The following MYT1L variants were observed in gnomAD, a reference collection of about 807,000 sequenced individuals.
MYT1L encodes the protein myelin transcription factor 1 like.
Under a neutral mutation model 126.7 loss-of-function variants are expected in MYT1L, and 12 were observed. That is an observed-to-expected ratio of 0.09 (90% confidence interval 0.06 to 0.15). The LOEUF (loss-of-function observed/expected upper bound fraction) is 0.15, where lower values mean the gene tolerates loss of function less well. Ranked by LOEUF, MYT1L falls within the 10% of genes least tolerant of loss-of-function variation. MYT1L has a pLI of 1.00. For missense variants in MYT1L, 979 were observed against 1,585.2 expected, an observed-to-expected ratio of 0.62 and a Z score of 6.49; for synonymous variants, 541 against 604.2, an observed-to-expected ratio of 0.90 and a Z score of 1.53.
chr2:1,984,811 G>C (rs566756252), intron 5 of MYT1L, among the ~76,000 whole-genome samples: 4 of 152,224 alleles, frequency 2.6e-5, no homozygotes, highest in Non-Finnish European at 5.9e-5. Context: ...GCCTGGCCAA[G>C]AACTAATATT....
intron 13 of MYT1L, among the ~76,000 whole-genome samples, chr2:1,905,045 C>T (rs1422439715): frequency 1.3e-5 from 2 of 152,004 alleles, no homozygotes; most frequent in Admixed American, 6.6e-5. Flanking sequence ...ATCCACCCAC[C>T]GCCTGGCTAA....
intron 2 of MYT1L, among the ~76,000 whole-genome samples, chr2:2,190,903 A>T (rs1245210750): frequency 6.6e-6 from 1 of 152,180 alleles, no homozygotes; most frequent in Non-Finnish European, 1.5e-5. Context: ...CTCCTGCCTC[A>T]GCCTCCCAAG....
At chr2:2,314,541 T>C (rs948843695) in intron 1 of MYT1L, among the ~76,000 whole-genome samples, 3 of 152,228 alleles carry the variant, frequency 2.0e-5, no homozygotes, top group Admixed American at 6.5e-5. Context: ...TTCTGTGATT[T>C]CTTTTTTTAA....
chr2:1,789,380 AC>A lies in MYT1L; in HGVS notation c.*2486del. The A allele has an allele frequency of 6.6e-6, 1 of 152,352 alleles. No individual in the cohort carries two copies. The highest frequency in any genetic ancestry group is 1.9e-4 in the East Asian group (1 of 5,194). 9.4% of individuals were successfully genotyped at this position (152,352 alleles called of 1,614,324 possible). On this transcript the variant is annotated 3_prime_UTR_variant, in exon 25 of 25. Transcript: ENST00000647738. ...TCTTAATAAATGATTACTTAAATTA[AC>A]TTAGAAATGAATATGAACAATAAGT... is the stretch of plus-strand genomic sequence containing the variant.
intron 19 of MYT1L, chr2:1,841,273 C>T (rs2041668018): frequency 8.9e-6 from 1 of 112,546 alleles, no homozygotes. Context: ...ACACCATTCT[C>T]CTGCCTCAGC....
chr2:1,895,567 C>T (rs1265958170), intron 14 of MYT1L, among the ~76,000 whole-genome samples: 1 of 152,154 alleles, frequency 6.6e-6, no homozygotes, highest in African/African-American at 2.4e-5. Context: ...CACCTACAAC[C>T]ATCTGATCTT....
chr2:1,979,418 C>T lies in MYT1L; in HGVS notation c.89+103G>A, dbSNP rs571780840. 3.8e-5 allele frequency: 46 copies of T among 1,225,612 alleles called. No homozygotes were observed. The highest frequency in any genetic ancestry group is 2.5e-4 in the Admixed American group (15 of 58,958). 75.9% of individuals were successfully genotyped at this position (1,225,612 alleles called of 1,614,324 possible). A position where few individuals can be genotyped will look rare whatever the true frequency, so the allele number is the denominator to read the frequency against. On this transcript the variant is annotated intron_variant, in intron 7 of 24. Coordinates refer to ENST00000647738, the MANE Select transcript of MYT1L (RefSeq NM_001303052.2). The surrounding 1 kb of genome is among the most constrained non-coding windows in gnomAD (Gnocchi z 4.0). Reference sequence around the variant, plus strand: ...AATTAATTTCATCAGTGCAGCAGGGCGTGAGCAAGCTGCCGATGAGCTGGA... The same window carrying T: ...AATTAATTTCATCAGTGCAGCAGGGTGTGAGCAAGCTGCCGATGAGCTGGA...
At chr2:2,102,418 G>C (rs1344487003) in intron 3 of MYT1L, among the ~76,000 whole-genome samples, 4 of 152,130 alleles carry the variant, frequency 2.6e-5, no homozygotes, top group Non-Finnish European at 5.9e-5. Context: ...ATCTACTAGG[G>C]AAAGACTTTT....
In MYT1L at chr2:1,790,091, G is replaced by A. The variant is rs972155769; in HGVS notation, c.*1776C>T. 6 of 152,150 alleles carry A rather than the reference G, an allele frequency of 3.9e-5. No individual in the cohort carries two copies. Among genetic ancestry groups the A allele is most frequent in the Admixed American group, 1.3e-4 (2 of 15,276 alleles). 9.4% of individuals were successfully genotyped at this position (152,150 alleles called of 1,614,324 possible). A position where few individuals can be genotyped will look rare whatever the true frequency, so the allele number is the denominator to read the frequency against. On this transcript the variant is annotated 3_prime_UTR_variant, in exon 25 of 25. Transcript: ENST00000647738. ...CCTCTATAATCCATCCAGGTTCAGTGTCACAAGGCTACTGACACGAGGAAT... is the reference window on the plus strand; with the variant it reads ...CCTCTATAATCCATCCAGGTTCAGTATCACAAGGCTACTGACACGAGGAAT...
At chr2:2,154,853 G>A (rs1053020167) in intron 3 of MYT1L, among the ~76,000 whole-genome samples, 1 of 152,228 alleles carries the variant, frequency 6.6e-6, no homozygotes. Context: ...GCGGCCGGGT[G>A]CAGTGGCTCA....
intron 2 of MYT1L, among the ~76,000 whole-genome samples, chr2:2,245,796 A>T (rs1414981998): frequency 6.6e-6 from 1 of 152,114 alleles, no homozygotes; most frequent in Non-Finnish European, 1.5e-5. Context: ...CATAATTCTG[A>T]TCCATTCTTC....
At chr2:2,310,509 C>A (rs1057251051) in intron 1 of MYT1L, among the ~76,000 whole-genome samples, 6 of 152,202 alleles carry the variant, frequency 3.9e-5, no homozygotes, top group Admixed American at 2.0e-4. Flanking sequence ...GTTGTCTAAT[C>A]AAAAACTTCC....
Position 1,912,434 on chromosome 2 carries a change from A to G in MYT1L, c.1619-324T>C, listed in dbSNP as rs530710239. Among the ~76,000 whole-genome samples the G allele has an allele frequency of 2.0e-5, 3 of 152,334 alleles. No homozygotes were observed. The East Asian group carries it at 5.8e-4, about 29-fold the overall frequency. On this transcript the variant is annotated intron_variant, in intron 11 of 24. Transcript: ENST00000647738. The surrounding 1 kb of genome is among the most constrained non-coding windows in gnomAD (Gnocchi z 4.3). ...GCTGGAGCCAGGAGCTGGGGAGTTC[A>G]GAGAACACAGAACTGACTCTTTCCT...
At chr2:2,019,563 C>T (rs114902028) in intron 4 of MYT1L, among the ~76,000 whole-genome samples, 2,309 of 152,302 alleles carry the variant, frequency 0.015, 52 homozygotes, top group African/African-American at 0.049. Flanking sequence ...AATATATTCT[C>T]AGTGTGGGGG....
chr2:1,919,751 C>T (rs895382257), intron 10 of MYT1L, among the ~76,000 whole-genome samples: 13 of 152,068 alleles, frequency 8.5e-5, no homozygotes, highest in African/African-American at 1.9e-4. Context: ...TTTTTTGAGA[C>T]GGAGTCTCGC....
chr2:2,161,373 T>C (rs2087890976), intron 3 of MYT1L, among the ~76,000 whole-genome samples: 1 of 152,262 alleles, frequency 6.6e-6, no homozygotes, highest in Non-Finnish European at 1.5e-5. Flanking sequence ...TAGGAATTTA[T>C]GCTAAATTAT....
intron 21 of MYT1L, chr2:1,810,002 C>G (rs536971233): frequency 6.6e-6 from 1 of 152,248 alleles, no homozygotes; most frequent in East Asian, 1.9e-4. Flanking sequence ...CCTCAGTCTC[C>G]GAGGGGCCTT....
intron 2 of MYT1L, among the ~76,000 whole-genome samples, chr2:2,174,273 C>T (rs1380711663): frequency 6.6e-6 from 1 of 152,164 alleles, no homozygotes; most frequent in African/African-American, 2.4e-5. Context: ...TAGCAGTGCA[C>T]AGCTATCTAC....
intron 3 of MYT1L, among the ~76,000 whole-genome samples, chr2:2,118,456 G>A (rs1046854693): frequency 1.1e-4 from 16 of 152,140 alleles, no homozygotes; most frequent in Non-Finnish European, 7.4e-5. Context: ...CTAAGGTTGA[G>A]ATATCAAAAT....
Sources: gnomAD v4.1 joint callset for allele counts (sites outside exome capture counted in the v4.1 genomes callset) on GRCh38, gnomAD v4.1.1 for gene constraint, Gnocchi (gnomAD v3.1) non-coding constraint, MANE v1.5 for transcripts, NCBI Gene and HGNC (gene_info 2026-07-23, HGNC 2026-07-21) for gene names.